Variants in GSK3B observed in about 807,000 individuals in gnomAD.
GSK3B encodes glycogen synthase kinase-3 beta.
A neutral mutation model predicts 56.4 loss-of-function variants in GSK3B; 15 were observed. That is an observed-to-expected ratio of 0.27 (90% CI 0.18 to 0.41). The LOEUF (loss-of-function observed/expected upper bound fraction) is 0.41. Among genes scored for constraint, GSK3B ranks in the 10% least tolerant of loss-of-function variants. The pLI, the probability that GSK3B is intolerant of heterozygous loss-of-function variation, is 1.00. For synonymous variants in GSK3B, 181 were observed against 188.9 expected (o/e 0.96, Z 0.34); for missense variants, 300 against 513.4 (o/e 0.58, Z 4.02).
At chr3:119,937,651 C>T (rs561879967) in intron 3 of GSK3B, among the ~76,000 whole-genome samples, 1 of 152,028 alleles carries the variant, frequency 6.6e-6, no homozygotes, top group Non-Finnish European at 1.5e-5. Flanking sequence ...AAATTTACAG[C>T]TGTAAATGCT....
chr3:120,015,831 A>G (rs1164356135), intron 1 of GSK3B, among the ~76,000 whole-genome samples: 1 of 152,164 alleles, frequency 6.6e-6, no homozygotes, highest in Non-Finnish European at 1.5e-5. Context: ...AAACCTAAGT[A>G]GTGCTTTTGT....
chr3:120,034,820 G>C (rs1280435887), intron 1 of GSK3B, among the ~76,000 whole-genome samples: 1 of 152,148 alleles, frequency 6.6e-6, no homozygotes, highest in African/African-American at 2.4e-5. Flanking sequence ...GGCCAGGAGA[G>C]GTCGAGGTAA....
chr3:120,027,423 T>C (rs1277761118), intron 1 of GSK3B, among the ~76,000 whole-genome samples: 1 of 151,756 alleles, frequency 6.6e-6, no homozygotes, highest in Non-Finnish European at 1.5e-5. Context: ...AACCCTATTC[T>C]TTGACCCAGT....
chr3:119,922,938 A>C (rs1347685914), intron 4 of GSK3B, among the ~76,000 whole-genome samples: 1 of 152,226 alleles, frequency 6.6e-6, no homozygotes, highest in Admixed American at 6.5e-5. Flanking sequence ...TAAAATTGCC[A>C]ACAGTTTAAG....
chr3:120,047,914 G>A (rs1337385440), intron 1 of GSK3B, among the ~76,000 whole-genome samples: 4 of 152,298 alleles, frequency 2.6e-5, no homozygotes, highest in Non-Finnish European at 5.9e-5. Context: ...TATGCAATCT[G>A]CTGTATATGT....
At chr3:120,060,375 A>G (rs1453626235) in intron 1 of GSK3B, among the ~76,000 whole-genome samples, 1 of 152,208 alleles carries the variant, frequency 6.6e-6, no homozygotes, top group East Asian at 1.9e-4. Context: ...GACAGACCAG[A>G]TACATTAGCA....
At chr3:119,854,291 C>T (rs2055985650) in intron 9 of GSK3B, among the ~76,000 whole-genome samples, 1 of 152,128 alleles carries the variant, frequency 6.6e-6, no homozygotes, top group African/African-American at 2.4e-5. Flanking sequence ...GGTGGATAAG[C>T]TTTTTGATGT....
chr3:120,002,275 C>A, intron 1 of GSK3B, 36 bp from the exon 2 acceptor site: 2 of 1,311,102 alleles, frequency 1.5e-6, no homozygotes, highest in Non-Finnish European at 1.0e-6. Flanking sequence ...TTCACGAGAA[C>A]TGTAAGGAAT....
At chr3:119,995,884 C>T (rs911981402) in intron 2 of GSK3B, among the ~76,000 whole-genome samples, 4 of 151,944 alleles carry the variant, frequency 2.6e-5, no homozygotes, top group African/African-American at 7.3e-5. Context: ...ACTACAGGCA[C>T]GTGCCACCAC....
intron 3 of GSK3B, among the ~76,000 whole-genome samples, chr3:119,938,027 T>C (rs2057012876): frequency 6.6e-6 from 1 of 151,690 alleles, no homozygotes; most frequent in South Asian, 2.1e-4. Context: ...CTGGATGAAA[T>C]GGGCAAATTC....
At chr3:119,921,746 T>C (rs1439746293) in intron 4 of GSK3B, among the ~76,000 whole-genome samples, 1 of 152,166 alleles carries the variant, frequency 6.6e-6, no homozygotes, top group African/African-American at 2.4e-5. Context: ...CTTAAAAAAA[T>C]TATGTCATAG....
At chr3:119,921,501 C>T (rs1428130388) in intron 4 of GSK3B, among the ~76,000 whole-genome samples, 1 of 152,148 alleles carries the variant, frequency 6.6e-6, no homozygotes, top group Non-Finnish European at 1.5e-5. Flanking sequence ...ATTTAATTAT[C>T]AGTTATCTAA....
chr3:119,849,910 G>A (rs191918672), intron 9 of GSK3B, among the ~76,000 whole-genome samples: 13 of 151,968 alleles, frequency 8.6e-5, no homozygotes, highest in Admixed American at 5.9e-4. Flanking sequence ...CTGCCTCCTG[G>A]GTTCACGCGA....
At chr3:119,915,012 G>A (rs1324737079) in intron 5 of GSK3B, among the ~76,000 whole-genome samples, 2 of 152,066 alleles carry the variant, frequency 1.3e-5, no homozygotes, top group Non-Finnish European at 2.9e-5. Flanking sequence ...GAGAGATTAG[G>A]TGATTACACC....
At chr3:120,070,504 C>T (rs2058318152) in intron 1 of GSK3B, among the ~76,000 whole-genome samples, 2 of 151,346 alleles carry the variant, frequency 1.3e-5, no homozygotes, top group East Asian at 1.9e-4. Context: ...CTAAGCTGTA[C>T]TATACCTGAT....
Position 120,002,246 on chromosome 3 carries a change from G to A in GSK3B, c.89-7C>T, listed in dbSNP as rs2057684784. The A allele has an allele frequency of 6.6e-7, 1 of 1,504,378 alleles. No homozygotes were observed. The highest frequency in any genetic ancestry group is 2.5e-5 in the East Asian group (1 of 40,728). The allele number at this position is 1,504,378 out of a possible 1,614,324, so 93.2% of individuals were successfully genotyped here. A position where few individuals can be genotyped will look rare whatever the true frequency, so the allele number is the denominator to read the frequency against. On this transcript the variant is annotated splice_polypyrimidine_tract_variant and splice_region_variant and intron_variant, in intron 1 of 10. Coordinates refer to ENST00000264235, the MANE Select transcript of GSK3B (RefSeq NM_001146156.2). ...TTGCTGCCGTCCTTGTCTCCTAAAG[G>A]AAGAAAGGAAATTTTTTTTTCACGA...
At chr3:119,958,253 G>A (rs970987216) in intron 2 of GSK3B, among the ~76,000 whole-genome samples, 4 of 152,130 alleles carry the variant, frequency 2.6e-5, no homozygotes, top group Admixed American at 1.3e-4. Context: ...GTGGAACTGT[G>A]AACCAATTAA....
chr3:119,945,560 C>G (rs1168428617), intron 3 of GSK3B, among the ~76,000 whole-genome samples: 1 of 152,170 alleles, frequency 6.6e-6, no homozygotes. Context: ...CTGACTATGA[C>G]AGGAGCTTTC....
intron 1 of GSK3B, among the ~76,000 whole-genome samples, chr3:120,018,305 A>G (rs1322203170): frequency 6.6e-6 from 1 of 152,188 alleles, no homozygotes; most frequent in Non-Finnish European, 1.5e-5. Flanking sequence ...AAAGTACAGT[A>G]TTCACAGGGT....
Sources: gnomAD v4.1 joint callset for allele counts (sites outside exome capture counted in the v4.1 genomes callset) on GRCh38, gnomAD v4.1.1 for gene constraint, MANE v1.5 for transcripts, NCBI Gene and HGNC (gene_info 2026-07-23, HGNC 2026-07-21) for gene names.